The following CGNL1 variants were observed in gnomAD, a reference collection of about 807,000 sequenced individuals.
The protein encoded by CGNL1 is cingulin like 1, also known as cingulin-like protein 1.
CGNL1 carries 132 observed loss-of-function variants against 141.2 expected under a neutral mutation model. That is an observed-to-expected ratio of 0.93 (90% CI 0.81 to 1.08). The LOEUF is 1.08. Ranked by LOEUF, CGNL1 falls within the 50% of genes least tolerant of loss-of-function variation. The pLI, the probability that CGNL1 is intolerant of heterozygous loss-of-function variation, is 0.00. For synonymous variants in CGNL1, 690 were observed against 622.1 expected (o/e 1.11, Z -1.63); for missense variants, 1,870 against 1,588.6 (o/e 1.18, Z -3.01).
In CGNL1 at chr15:57,549,610, C is replaced by A. The variant is rs7166305; in HGVS notation, c.*2120C>A. 27,271 of 152,094 alleles carry A rather than the reference C, an allele frequency of 0.18. 2,524 individuals are homozygous for A. The highest frequency in any genetic ancestry group is 0.21 in the Admixed American group (3,236 of 15,284). 9.4% of individuals were successfully genotyped at this position (152,094 alleles called of 1,614,324 possible). ...CCTTTAGTCATTCATTCATTTAGCA[C>A]ATATTTATTGGGCATCGGTGATGTG... On this transcript the variant is annotated 3_prime_UTR_variant, in exon 19 of 19. Transcript: ENST00000281282.
intron 1 of CGNL1, among the ~76,000 whole-genome samples, chr15:57,434,954 C>G (rs950344952): frequency 6.6e-6 from 1 of 151,862 alleles, no homozygotes; most frequent in Non-Finnish European, 1.5e-5. Context: ...TAATATAACA[C>G]AAAAGGAAGA....
intron 8 of CGNL1, among the ~76,000 whole-genome samples, chr15:57,470,964 C>T (rs927527476): frequency 1.3e-5 from 2 of 152,202 alleles, no homozygotes; most frequent in African/African-American, 4.8e-5. Context: ...CTTCGAAGAA[C>T]CTCTCTAGGA....
chr15:57,405,793 T>C (rs2062711514), intron 1 of CGNL1, among the ~76,000 whole-genome samples: 1 of 128,526 alleles, frequency 7.8e-6, no homozygotes, highest in Admixed American at 8.4e-5. Flanking sequence ...TTTCTTTCTT[T>C]CTTTCTTTCT....
At chr15:57,543,872 C>T (rs2032705214) in intron 15 of CGNL1, 93 bp downstream of exon 15, 2 of 905,750 alleles carry the variant, frequency 2.2e-6, no homozygotes, top group South Asian at 3.1e-5. Flanking sequence ...GGAGGTCCCT[C>T]CTTTACTTGG....
At chr15:57,426,040 C>T (rs2062969478) in intron 1 of CGNL1, among the ~76,000 whole-genome samples, 1 of 152,128 alleles carries the variant, frequency 6.6e-6, no homozygotes, top group African/African-American at 2.4e-5. Context: ...CCCTCCCCCG[C>T]CACAATTCTA....
At chr15:57,385,879 C>G (rs554271482) in intron 1 of CGNL1, among the ~76,000 whole-genome samples, 69 of 152,352 alleles carry the variant, frequency 4.5e-4, no homozygotes, top group African/African-American at 1.6e-3. Context: ...CAGTCCCCCA[C>G]GGGAATTATC....
At chr15:57,402,199 G>C (rs1490528969) in intron 1 of CGNL1, among the ~76,000 whole-genome samples, 12 of 152,326 alleles carry the variant, frequency 7.9e-5, no homozygotes, top group African/African-American at 2.9e-4. Context: ...TCTCCCCATA[G>C]TGAGTGAGTG....
intron 8 of CGNL1, among the ~76,000 whole-genome samples, chr15:57,468,940 C>T (rs1219581812): frequency 1.3e-5 from 2 of 152,212 alleles, no homozygotes; most frequent in Non-Finnish European, 2.9e-5. Flanking sequence ...GGGACTTTTC[C>T]TCCTCGCCTT....
intron 8 of CGNL1, among the ~76,000 whole-genome samples, chr15:57,476,700 GA>G (rs1184090625): frequency 2.0e-5 from 3 of 152,222 alleles, no homozygotes; most frequent in African/African-American, 7.2e-5. Flanking sequence ...AGATGCAATG[GA>G]AAAATCCCTC....
intron 1 of CGNL1, among the ~76,000 whole-genome samples, chr15:57,416,523 T>C (rs1262732688): frequency 2.6e-5 from 4 of 152,156 alleles, no homozygotes; most frequent in African/African-American, 9.7e-5. Flanking sequence ...ATAGCCTTCT[T>C]GGTGTCAGGG....
chr15:57,434,244 A>G (rs2063078555), intron 1 of CGNL1, among the ~76,000 whole-genome samples: 1 of 152,256 alleles, frequency 6.6e-6, no homozygotes, highest in South Asian at 2.1e-4. Flanking sequence ...AGAACAAGAA[A>G]GAGCTATTGA....
Position 57,531,769 on chromosome 15 carries a change from G to T in CGNL1, c.3281G>T (p.Ser1094Ile). Residue 1094 changes from serine to isoleucine, a missense_variant, in exon 14 of 19, where the codon AGC (serine) becomes ATC (isoleucine). Transcript: ENST00000281282. ...SDLLSERISR[S>I]REQMEQLRNE... The stretch of plus-strand genomic sequence containing the variant: ...TTGCTGTCTGAGAGGATCAGTAGGA[G>T]CAGGGAACAGGTACTATTCTATAGG... 6.2e-7 allele frequency: 1 copy of T among 1,600,792 alleles called. No individual in the cohort carries two copies. The highest frequency in any genetic ancestry group is 8.6e-7 in the Non-Finnish European group (1 of 1,167,942).
chr15:57,534,263 A>C (rs1029377253), intron 14 of CGNL1, among the ~76,000 whole-genome samples: 4 of 152,104 alleles, frequency 2.6e-5, no homozygotes, highest in Non-Finnish European at 5.9e-5. Context: ...ATCATCTGAG[A>C]TAGGGAGGGT....
intron 1 of CGNL1, among the ~76,000 whole-genome samples, chr15:57,388,900 G>C (rs1430276153): frequency 6.6e-6 from 1 of 152,234 alleles, no homozygotes; most frequent in African/African-American, 2.4e-5. Flanking sequence ...GAGGTGAATG[G>C]AAGAAGGAGT....
rs1366671982 is a variant in CGNL1 at position 57,480,463 on chromosome 15, T to C, written c.2403+18571T>C. ...TGAACTCAGGAGGCGGAGGTTGCAG[T>C]GAGCTGAGATCCTGCCATTGCACTC... is the stretch of plus-strand genomic sequence containing the variant. On this transcript the variant is annotated intron_variant, in intron 8 of 18. Transcript: ENST00000281282. 4.6e-5 allele frequency among the ~76,000 whole-genome samples: 7 copies of C among 152,094 alleles called. No homozygotes were observed. The East Asian group carries it at 1.3e-3, about 29-fold the overall frequency.
intron 1 of CGNL1, among the ~76,000 whole-genome samples, chr15:57,377,693 C>T (rs751356890): frequency 2.6e-5 from 4 of 152,184 alleles, no homozygotes; most frequent in Non-Finnish European, 5.9e-5. Flanking sequence ...TCAATACTGC[C>T]AGGGCACTTT....
intron 8 of CGNL1, among the ~76,000 whole-genome samples, chr15:57,506,827 G>C (rs1312205392): frequency 6.6e-6 from 1 of 152,146 alleles, no homozygotes; most frequent in Non-Finnish European, 1.5e-5. Context: ...TTCATTTTTA[G>C]AATAATGAGA....
chr15:57,468,681 AATG>A (rs1232081302), intron 8 of CGNL1, among the ~76,000 whole-genome samples: 1 of 151,934 alleles, frequency 6.6e-6, no homozygotes, highest in Non-Finnish European at 1.5e-5. Context: ...GTGAGGGAGC[AATG>A]ATGTTTCTTT....
At chr15:57,535,964 C>G (rs530578557) in intron 14 of CGNL1, among the ~76,000 whole-genome samples, 1 of 152,270 alleles carries the variant, frequency 6.6e-6, no homozygotes, top group East Asian at 1.9e-4. Flanking sequence ...TTATAAGTTC[C>G]CAGCCTGTAT....
Sources: gnomAD v4.1 joint callset for allele counts (sites outside exome capture counted in the v4.1 genomes callset) on GRCh38, gnomAD v4.1.1 for gene constraint, MANE v1.5 for transcripts, NCBI Gene and HGNC (gene_info 2026-07-23, HGNC 2026-07-21) for gene names.